Variants in BHMT observed in about 807,000 individuals in gnomAD.
BHMT encodes the protein betaine--homocysteine S-methyltransferase 1.
BHMT carries 38 observed loss-of-function variants against 49.5 expected under a neutral mutation model. The observed-to-expected ratio is 0.77, with a 90% CI of 0.59 to 1.01. The LOEUF is 1.01. Among genes scored for constraint, BHMT ranks in the 50% least tolerant of loss-of-function variants. The pLI is 0.00. For missense variants in BHMT, 426 were observed against 495.7 expected (o/e 0.86, Z 1.34); for synonymous variants, 166 against 176.3 (o/e 0.94, Z 0.46).
In BHMT at chr5:79,111,830, A is replaced by T; in HGVS notation, c.-56A>T. ...GAGCAGCTCGGGGCTGCGCAGCGGGAAGGCTCGCCTAGTCGGTCCGCATCC... is the reference window on the plus strand; with the variant it reads ...GAGCAGCTCGGGGCTGCGCAGCGGGTAGGCTCGCCTAGTCGGTCCGCATCC... On this transcript the variant is annotated 5_prime_UTR_variant, in exon 1 of 8. Transcript: ENST00000274353. 6.2e-7 allele frequency: 1 copy of T among 1,606,840 alleles called. No homozygotes were observed. The highest frequency in any genetic ancestry group is 8.5e-7 in the Non-Finnish European group (1 of 1,176,762).
At position 79,121,212 on chromosome 5, in the gene BHMT, T is replaced by G; in HGVS notation, c.478-6T>G. On this transcript the variant is annotated splice_region_variant and splice_polypyrimidine_tract_variant and intron_variant, in intron 4 of 7. Transcript: ENST00000274353. Reference sequence around the variant, plus strand: ...TTAAAAGTACTCTAACCTTAACTGATTCCAGTATTTTGAACACGTTGAAGA... The same window carrying G: ...TTAAAAGTACTCTAACCTTAACTGAGTCCAGTATTTTGAACACGTTGAAGA... 6.2e-7 allele frequency: 1 copy of G among 1,613,776 alleles called. No homozygotes were observed. The highest frequency in any genetic ancestry group is 8.5e-7 in the Non-Finnish European group (1 of 1,179,824).
At chr5:79,114,130 ATTG>A (rs1237034781) in intron 1 of BHMT, among the ~76,000 whole-genome samples, 10 of 148,900 alleles carry the variant, frequency 6.7e-5, no homozygotes, top group South Asian at 2.1e-4. Flanking sequence ...TATATATATT[ATTG>A]TTGTTGTTAA....
Position 79,121,134 on chromosome 5 carries a change from G to A in BHMT, c.478-84G>A. 7 of 1,525,828 alleles carry A rather than the reference G, an allele frequency of 4.6e-6. No homozygotes were observed. In the South Asian group the frequency reaches 4.9e-5, roughly 11 times the overall value. The allele number at this position is 1,525,828 out of a possible 1,614,324, so 94.5% of individuals were successfully genotyped here. Reference sequence around the variant, plus strand: ...CCACAGCACTCCAGCCTGGGTGAAAGAGCAAAACTCCGTCTCAAAAAAAAA... The same window carrying A: ...CCACAGCACTCCAGCCTGGGTGAAAAAGCAAAACTCCGTCTCAAAAAAAAA... On this transcript the variant is annotated intron_variant, in intron 4 of 7. Transcript: ENST00000274353.
chr5:79,128,170 C>A (rs889861407), intron 7 of BHMT, 187 bp downstream of exon 7: 2 of 793,902 alleles, frequency 2.5e-6, no homozygotes, highest in Non-Finnish European at 3.8e-6. Context: ...GAATATAGAA[C>A]GTATTTGACC....
At chr5:79,114,717 C>CCT (rs1377932754) in intron 1 of BHMT, among the ~76,000 whole-genome samples, 3 of 152,002 alleles carry the variant, frequency 2.0e-5, no homozygotes, top group Non-Finnish European at 2.9e-5. Context: ...GTCAGGAAGC[C>CCT]CTATGCTCCC....
Position 79,111,856 on chromosome 5 carries a change from G to T in BHMT, c.-30G>T, listed in dbSNP as rs1288279699. 2 of 1,611,706 alleles carry T rather than the reference G, an allele frequency of 1.2e-6. No homozygotes were observed. The highest frequency in any genetic ancestry group is 2.2e-5 in the South Asian group (2 of 90,732). On this transcript the variant is annotated 5_prime_UTR_variant, in exon 1 of 8. Transcript: ENST00000274353. Reference sequence around the variant, plus strand: ...AGGCTCGCCTAGTCGGTCCGCATCCGTGTCGACCACCTGTCTGGACACCAC... The same window carrying T: ...AGGCTCGCCTAGTCGGTCCGCATCCTTGTCGACCACCTGTCTGGACACCAC...
intron 1 of BHMT, 140 bp downstream of exon 1, chr5:79,112,058 A>G: frequency 9.3e-7 from 1 of 1,075,590 alleles, no homozygotes; most frequent in Non-Finnish European, 1.3e-6. Context: ...TCAGCCTCAG[A>G]CCAGAATGTG....
At chr5:79,125,951 A>G in intron 5 of BHMT, 95 bp from the exon 6 acceptor site, 2 of 1,345,910 alleles carry the variant, frequency 1.5e-6, no homozygotes, top group Non-Finnish European at 2.0e-6. Flanking sequence ...TCAAAAAATG[A>G]AAAAAGAACT....
chr5:79,114,851 A>G (rs1032399157), intron 1 of BHMT, among the ~76,000 whole-genome samples: 4 of 152,198 alleles, frequency 2.6e-5, no homozygotes, highest in African/African-American at 9.6e-5. Context: ...ATTCTTTGAA[A>G]TTACAAAAAA....
Position 79,130,985 on chromosome 5 carries a change from A to G in BHMT, c.1090A>G (p.Asn364Asp). 1 of 1,614,062 alleles carries G rather than the reference A, an allele frequency of 6.2e-7. No individual in the cohort carries two copies. Among genetic ancestry groups the G allele is most frequent in the South Asian group, 1.1e-5 (1 of 91,054 alleles). ...TCGGATAGCCTCAGGCCGGCCATACAACCCTTCAATGTCAAAGCCAGATGG... is the reference window on the plus strand; with the variant it reads ...TCGGATAGCCTCAGGCCGGCCATACGACCCTTCAATGTCAAAGCCAGATGG... Reference protein sequence around the residue: ...NLRIASGRPYNPSMSKPDGWG... With the variant: ...NLRIASGRPYDPSMSKPDGWG... Residue 364 changes from asparagine to aspartate, a missense_variant, in exon 8 of 8, where the codon AAC (asparagine) becomes GAC (aspartate). Around this residue, in one of 3 missense-constraint regions of BHMT, gnomAD observed 73 missense variants for 68.3 expected, o/e 1.07. Coordinates refer to ENST00000274353, the MANE Select transcript of BHMT (RefSeq NM_001713.3).
chr5:79,125,372 C>G (rs896064940), intron 5 of BHMT, among the ~76,000 whole-genome samples: 15 of 147,632 alleles, frequency 1.0e-4, no homozygotes, highest in African/African-American at 3.5e-4. Context: ...AGGAGAATCA[C>G]TTGAACCCAG....
Position 79,111,910 on chromosome 5 carries a change from GC to G in BHMT, c.27del (p.Lys10ArgfsTer5), listed in dbSNP as rs1293275776. On this transcript the variant is annotated frameshift_variant, in exon 1 of 8. Coordinates refer to ENST00000274353, the MANE Select transcript of BHMT (RefSeq NM_001713.3). LOFTEE classifies it high-confidence loss of function. The part of the protein sequence containing the change: MPPVGGKK[A>X]KKGILERLNA... ...GATGCCACCCGTTGGGGGCAAAAAG[GC>G]CAAGAAGGTGAGTCTCCAGGGGACC... The G allele has an allele frequency of 3.7e-6, 6 of 1,609,988 alleles. No homozygotes were observed. The African/African-American group carries it at 6.7e-5, about 18-fold the overall frequency.
At chr5:79,128,935 G>GT (rs1756595644) in intron 7 of BHMT, among the ~76,000 whole-genome samples, 1 of 152,212 alleles carries the variant, frequency 6.6e-6, no homozygotes, top group South Asian at 2.1e-4. Context: ...AGCTGCTTTA[G>GT]TAGATGTATG....
Position 79,111,924 on chromosome 5 carries a change from T to C in BHMT, c.33+6T>C. On this transcript the variant is annotated splice_donor_region_variant and intron_variant, in intron 1 of 7. Coordinates refer to ENST00000274353, the MANE Select transcript of BHMT (RefSeq NM_001713.3). ...GGGGCAAAAAGGCCAAGAAGGTGAG[T>C]CTCCAGGGGACCCGAGGGCGCTCTC... is the stretch of plus-strand genomic sequence containing the variant. The C allele has an allele frequency of 6.2e-7, 1 of 1,602,114 alleles. No homozygotes were observed. Among genetic ancestry groups the C allele is most frequent in the Non-Finnish European group, 8.5e-7 (1 of 1,174,390 alleles).
intron 1 of BHMT, among the ~76,000 whole-genome samples, chr5:79,112,407 G>A (rs1436578835): frequency 3.9e-5 from 6 of 152,194 alleles, no homozygotes; most frequent in Non-Finnish European, 8.8e-5. Flanking sequence ...CGAGGCCGCC[G>A]CGAGCGCCCT....
intron 4 of BHMT, 43 bp from the exon 5 acceptor site, chr5:79,121,175 G>T: frequency 6.3e-7 from 1 of 1,587,364 alleles, no homozygotes; most frequent in South Asian, 1.1e-5. Flanking sequence ...AATTGTTTTG[G>T]GAGAAACGAG....
At chr5:79,128,529 T>TGAAA (rs1756589776) in intron 7 of BHMT, among the ~76,000 whole-genome samples, 1 of 140,096 alleles carries the variant, frequency 7.1e-6, no homozygotes, top group Admixed American at 7.2e-5. Flanking sequence ...GACCCTGTTT[T>TGAAA]AAAAAAAAAA....
At chr5:79,112,109 G>C (rs1484318396) in intron 1 of BHMT, among the ~76,000 whole-genome samples, 191 bp downstream of exon 1, 1 of 152,002 alleles carries the variant, frequency 6.6e-6, no homozygotes, top group Non-Finnish European at 1.5e-5. Context: ...GCGCCTCTGA[G>C]CCTCCCCACT....
chr5:79,127,622 GT>G, intron 6 of BHMT, 132 bp from the exon 7 acceptor site: 1 of 1,285,184 alleles, frequency 7.8e-7, no homozygotes, highest in Non-Finnish European at 1.1e-6. Flanking sequence ...AAGTAGCAAA[GT>G]TTTTTCTTAA....
Sources: gnomAD v4.1 joint callset for allele counts (sites outside exome capture counted in the v4.1 genomes callset) on GRCh38, gnomAD v4.1.1 for gene constraint, gnomAD v4.1.1 regional missense constraint, MANE v1.5 for transcripts, NCBI Gene and HGNC (gene_info 2026-07-23, HGNC 2026-07-21) for gene names.